The following HUWE1 variants were observed in gnomAD, a reference collection of about 807,000 sequenced individuals.
HUWE1 encodes HECT, UBA and WWE domain containing E3 ubiquitin protein ligase 1.
HUWE1 carries 18 observed loss-of-function variants against 299.4 expected under a neutral mutation model. That is an observed-to-expected ratio of 0.06 (90% CI 0.04 to 0.09). The LOEUF is 0.09. Among genes scored for constraint, HUWE1 ranks in the 10% least tolerant of loss-of-function variants. HUWE1 has a pLI of 1.00. For synonymous variants in HUWE1, 1,317 were observed against 1,286.1 expected (o/e 1.02, Z -0.51); for missense variants, 1,832 against 3,462.3 (o/e 0.53, Z 11.82).
chrX:53,542,594 G>C, intron 73 of HUWE1, 55 bp from the exon 74 acceptor site: 1 of 829,645 alleles, frequency 1.2e-6, no homozygotes, highest in Admixed American at 2.2e-5. Flanking sequence ...TTTCCTTAGA[G>C]ACAGGCTAGA....
chrX:53,593,197 C>T lies in HUWE1; in HGVS notation c.3741+167G>A, dbSNP rs113566020. Among the ~76,000 whole-genome samples the T allele has an allele frequency of 3.5e-3, 392 of 112,500 alleles. 3 individuals are homozygous for T. The highest frequency in any genetic ancestry group is 4.6e-3 in the Middle Eastern group (1 of 218). On this transcript the variant is annotated intron_variant, in intron 32 of 83. Coordinates refer to ENST00000262854, the MANE Select transcript of HUWE1 (RefSeq NM_031407.7). ...AAATTTACAGCTCAAATGTTTATCA[C>T]GGAAAATTCTCAAATGGTCTATATT...
chrX:53,534,845 C>T (rs1429225768), intron 81 of HUWE1, 148 bp from the exon 82 acceptor site: 4 of 494,548 alleles, frequency 8.1e-6, no homozygotes, highest in South Asian at 3.2e-5. Flanking sequence ...AGGCTAGTCT[C>T]AACCCCCTGG....
At chrX:53,682,075 A>G (rs1317134854) in intron 2 of HUWE1, among the ~76,000 whole-genome samples, 1 of 112,455 alleles carries the variant, frequency 8.9e-6, no homozygotes, top group Non-Finnish European at 1.9e-5. Flanking sequence ...TGTACAGTTA[A>G]AGAAACAAAA....
Position 53,539,805 on chromosome X carries a change from A to G in HUWE1, c.11484T>C (p.Asp3828=). 8.3e-7 allele frequency: 1 copy of G among 1,208,645 alleles called. No individual in the cohort carries two copies. The highest frequency in any genetic ancestry group is 1.1e-6 in the Non-Finnish European group (1 of 893,690). Residue 3828 remains aspartate, a synonymous_variant, in exon 75 of 84, where the codon GAT becomes GAC. Coordinates refer to ENST00000262854, the MANE Select transcript of HUWE1 (RefSeq NM_031407.7). ...TTTCCTTCTCCCCCTGTGGGGTTCC[A>G]TCGGAGGCTGGAGGGCACACAGAAG... ...SAQDTQSIAS[D]GTPQGEKEKE...
In HUWE1 at chrX:53,543,224, GTTGCA is replaced by G. The variant is rs2061423044; in HGVS notation, c.11379+612_11379+616del. On this transcript the variant is annotated intron_variant, in intron 73 of 83. Coordinates refer to ENST00000262854, the MANE Select transcript of HUWE1 (RefSeq NM_031407.7). Reference sequence around the variant, plus strand: ...TGGATCTTGGAAAGGTAACTTACATGTTGCAAGGACAGGAAAACAATGAGGGAGTG... The same window carrying G: ...TGGATCTTGGAAAGGTAACTTACATGAGGACAGGAAAACAATGAGGGAGTG... Among the ~76,000 whole-genome samples the G allele has an allele frequency of 2.7e-5, 3 of 110,661 alleles. No homozygotes were observed. In the South Asian group the frequency reaches 1.2e-3, roughly 43 times the overall value.
At chrX:53,632,654 C>T (rs2036072132) in intron 8 of HUWE1, 90 bp from the exon 9 acceptor site, 3 of 652,565 alleles carry the variant, frequency 4.6e-6, no homozygotes, top group Non-Finnish European at 7.6e-6. Flanking sequence ...GTCCTAGCCA[C>T]TTGTTCAACT....
At chrX:53,662,209 T>C (rs782154729) in intron 3 of HUWE1, among the ~76,000 whole-genome samples, 25 of 111,066 alleles carry the variant, frequency 2.3e-4, no homozygotes, top group African/African-American at 1.3e-4. Context: ...GTGATCCATA[T>C]AACAAAGTTT....
intron 3 of HUWE1, among the ~76,000 whole-genome samples, chrX:53,672,228 C>T (rs1420543152): frequency 1.9e-5 from 2 of 107,402 alleles, no homozygotes; most frequent in African/African-American, 3.4e-5. Flanking sequence ...ACTCCCTAGG[C>T]GTGATAATGG....
intron 61 of HUWE1, among the ~76,000 whole-genome samples, chrX:53,554,284 C>T (rs1010135753): frequency 8.2e-5 from 9 of 110,221 alleles, no homozygotes; most frequent in African/African-American, 2.6e-4. Context: ...GTCTCAAACT[C>T]CTGAGCTCAA....
chrX:53,653,023 T>A (rs1162997064), intron 4 of HUWE1, among the ~76,000 whole-genome samples: 1 of 111,962 alleles, frequency 8.9e-6, no homozygotes, highest in African/African-American at 3.2e-5. Flanking sequence ...GGCATGCACC[T>A]ATGGTCCCAG....
chrX:53,541,249 C>G (rs1483074715), intron 74 of HUWE1, among the ~76,000 whole-genome samples: 1 of 111,865 alleles, frequency 8.9e-6, no homozygotes, highest in Non-Finnish European at 1.9e-5. Context: ...AGAGGTTTGC[C>G]TCAGGTCCCA....
At position 53,648,320 on chromosome X, in the gene HUWE1, G is replaced by C; in HGVS notation, c.46-10C>G. ...CTCTGCAGTCTGCAGGCTGAGAAAA[G>C]AAAAGTATTCACAAAAGATGTTTTG... is the stretch of plus-strand genomic sequence containing the variant. On this transcript the variant is annotated splice_polypyrimidine_tract_variant and intron_variant, in intron 4 of 83. Coordinates refer to ENST00000262854, the MANE Select transcript of HUWE1 (RefSeq NM_031407.7). 9.2e-7 allele frequency: 1 copy of C among 1,090,457 alleles called. No individual in the cohort carries two copies. Among genetic ancestry groups the C allele is most frequent in the Non-Finnish European group, 1.3e-6 (1 of 787,297 alleles). 89.9% of individuals were successfully genotyped at this position (1,090,457 alleles called of 1,213,427 possible). A position where few individuals can be genotyped will look rare whatever the true frequency, so the allele number is the denominator to read the frequency against.
In HUWE1 at chrX:53,543,864, G is replaced by A. The variant is rs781924853; in HGVS notation, c.11356C>T (p.Arg3786Trp). The change falls in exon 73 of 84, where the codon CGG becomes TGG. Residue 3786 changes from arginine (R) to tryptophan (W), a missense_variant. Transcript: ENST00000262854. ...IQMVREGQRA[R>W]RQQQAATSES... ...ACCGTTGCTGCTTGTTGCTGTCTCC[G>A]CGCCCTTTGACCCTCACGTACCATT... is the stretch of plus-strand genomic sequence containing the variant. 7 of 1,210,926 alleles carry A rather than the reference G, an allele frequency of 5.8e-6. No homozygotes were observed. The highest frequency in any genetic ancestry group is 4.6e-4 in the Middle Eastern group (2 of 4,319).
chrX:53,593,435 C>T lies in HUWE1; in HGVS notation c.3670G>A (p.Ala1224Thr). 1 of 1,211,464 alleles carries T rather than the reference C, an allele frequency of 8.3e-7. No individual in the cohort carries two copies. Among genetic ancestry groups the T allele is most frequent in the Non-Finnish European group, 1.1e-6 (1 of 895,203 alleles). The change falls in exon 32 of 84, where the codon GCC becomes ACC. Residue 1224 changes from alanine (A) to threonine (T), a missense_variant. Coordinates refer to ENST00000262854, the MANE Select transcript of HUWE1 (RefSeq NM_031407.7). ...TVLESPHSLPAKLPGGVQNFP... is the reference protein window; with the variant it reads ...TVLESPHSLPTKLPGGVQNFP... ...TTCTGGACACCTCCAGGCAATTTGG[C>T]AGGCAGCGAATGTGGAGATTCAAGC...
At position 53,554,873 on chromosome X, in the gene HUWE1, C is replaced by T; in HGVS notation, c.8254G>A (p.Asp2752Asn). The T allele has an allele frequency of 8.3e-7, 1 of 1,199,166 alleles. No individual in the cohort carries two copies. The highest frequency in any genetic ancestry group is 1.1e-6 in the Non-Finnish European group (1 of 887,889). The change falls in exon 61 of 84, where the codon GAT (aspartate) becomes AAT (asparagine). Residue 2752 changes from aspartate (D) to asparagine (N), a missense_variant. By Grantham distance (23) the Asp-to-Asn change is conservative. Coordinates refer to ENST00000262854, the MANE Select transcript of HUWE1 (RefSeq NM_031407.7). ...DSYPTTPSST[D>N]AATSESKETL... ...TCCTTGGACTCAGATGTAGCTGCAT[C>T]AGTTGAAGATGGGGTTGTTGGGTAG...
chrX:53,619,042 T>C (rs1256992150), intron 19 of HUWE1, among the ~76,000 whole-genome samples: 1 of 111,740 alleles, frequency 8.9e-6, no homozygotes, highest in African/African-American at 3.3e-5. Flanking sequence ...ACAACACCCA[T>C]AAACCATGTA....
rs200500110 is a variant in HUWE1, at chrX:53,589,779, G to A, written c.4229C>T (p.Ala1410Val). ...ACRKEEEERK[A>V]REKQEEEEAK... is the part of the protein sequence containing the mutation. ...CTCTTCCTCCTCCTGCTTTTCCCGA[G>A]CTTTCCGTTCCTCTTCCTCCTTCCG... Residue 1410 changes from alanine to valine, a missense_variant, in exon 36 of 84, where the codon GCT (alanine) becomes GTT (valine). Around this residue, in one of 15 missense-constraint regions of HUWE1, gnomAD observed 658 missense variants for 1,282.6 expected, o/e 0.51. Transcript: ENST00000262854. 70 of 1,208,399 alleles carry A rather than the reference G, an allele frequency of 5.8e-5. No homozygotes were observed. The highest frequency in any genetic ancestry group is 7.4e-5 in the Non-Finnish European group (66 of 894,472).
At chrX:53,593,740 C>A (rs1368891330) in intron 31 of HUWE1, 139 bp from the exon 32 acceptor site, 3 of 482,718 alleles carry the variant, frequency 6.2e-6, no homozygotes, top group Non-Finnish European at 7.2e-6. Context: ...ATCTGTCCAA[C>A]AGTTTTCAGC....
At chrX:53,625,945 T>C (rs782362088) in intron 17 of HUWE1, 1 of 384,924 alleles carries the variant, frequency 2.6e-6, no homozygotes, top group South Asian at 2.3e-5. Flanking sequence ...TTAGTGCTGC[T>C]GCTGGAACCT....
Sources: gnomAD v4.1 joint callset for allele counts (sites outside exome capture counted in the v4.1 genomes callset) on GRCh38, gnomAD v4.1.1 for gene constraint, gnomAD v4.1.1 regional missense constraint, MANE v1.5 for transcripts, NCBI Gene and HGNC (gene_info 2026-07-23, HGNC 2026-07-21) for gene names.